NOP58: variants seen among roughly 807,000 people sequenced by gnomAD.
The protein encoded by NOP58 is NOP58 ribonucleoprotein.
NOP58 carries 44 observed loss-of-function variants against 71.2 expected under a neutral mutation model. That is an observed-to-expected ratio of 0.62 (90% CI 0.49 to 0.79). The LOEUF is 0.79. Ranked by LOEUF, NOP58 falls within the 30% of genes least tolerant of loss-of-function variation. The pLI is 0.00. For missense variants in NOP58, 538 were observed against 620.2 expected (o/e 0.87, Z 1.41); for synonymous variants, 228 against 200.3 (o/e 1.14, Z -1.17).
intron 9 of NOP58, among the ~76,000 whole-genome samples, chr2:202,294,504 A>T (rs1185610314): frequency 6.6e-6 from 1 of 152,114 alleles, no homozygotes; most frequent in African/African-American, 2.4e-5. Flanking sequence ...ATTTATGGAG[A>T]TGTATTCTAA....
At chr2:202,282,580 T>G (rs1688724418) in intron 4 of NOP58, 108 bp downstream of exon 4, 2 of 1,165,574 alleles carry the variant, frequency 1.7e-6, no homozygotes, top group East Asian at 4.9e-5. Context: ...CTCAATACAT[T>G]TTTTTCTTTT....
At chr2:202,284,241 C>G in intron 4 of NOP58, 104 bp from the exon 5 acceptor site, 1 of 962,082 alleles carries the variant, frequency 1.0e-6, no homozygotes. Flanking sequence ...CCACTGCACT[C>G]CAGCCTGGGC....
intron 6 of NOP58, 126 bp from the exon 7 acceptor site, chr2:202,290,197 G>A (rs1688862081): frequency 1.5e-6 from 1 of 660,258 alleles, no homozygotes; most frequent in Non-Finnish European, 2.5e-6. Flanking sequence ...TTCGTGATAT[G>A]CCTGTCTGCT....
chr2:202,278,261 C>A, intron 3 of NOP58: 1 of 577,892 alleles, frequency 1.7e-6, no homozygotes, highest in South Asian at 1.5e-5. Flanking sequence ...TTAAGTTGAT[C>A]TCCCTGTGGA....
intron 6 of NOP58, among the ~76,000 whole-genome samples, chr2:202,288,728 T>A (rs1218433926): frequency 6.6e-6 from 1 of 151,730 alleles, no homozygotes; most frequent in Non-Finnish European, 1.5e-5. Context: ...GGCAGGAGAA[T>A]CACTTGAACC....
intron 12 of NOP58, among the ~76,000 whole-genome samples, chr2:202,298,450 A>G (rs1689034762): frequency 6.6e-6 from 1 of 152,180 alleles, no homozygotes; most frequent in Non-Finnish European, 1.5e-5. Flanking sequence ...CAGGAGTTCA[A>G]CACAGGCCTG....
chr2:202,286,150 C>G (rs1242261200), intron 5 of NOP58, among the ~76,000 whole-genome samples: 1 of 138,530 alleles, frequency 7.2e-6, no homozygotes, highest in Non-Finnish European at 1.5e-5. Context: ...CCACTGCAGT[C>G]CAGCCTGGGT....
chr2:202,293,228 C>A, intron 9 of NOP58: 1 of 462,696 alleles, frequency 2.2e-6, no homozygotes. Flanking sequence ...AATAAAAACT[C>A]ACTAGACCTA....
At position 202,303,076 on chromosome 2, in the gene NOP58, A is replaced by T. The variant is rs376869515; in HGVS notation, c.1539+19A>T. 2.5e-6 allele frequency: 4 copies of T among 1,604,412 alleles called. No homozygotes were observed. In the Admixed American group the frequency reaches 6.9e-5, roughly 28 times the overall value. Reference sequence around the variant, plus strand: ...AATTGCTGTATGTTTGTTTTTAATTATCGGTTTTCACTTGGAGGGGCCAGT... The same window carrying T: ...AATTGCTGTATGTTTGTTTTTAATTTTCGGTTTTCACTTGGAGGGGCCAGT... On this transcript the variant is annotated intron_variant, in intron 14 of 14. Coordinates refer to ENST00000264279, the MANE Select transcript of NOP58 (RefSeq NM_015934.5).
Position 202,295,837 on chromosome 2 carries a change from G to T in NOP58, c.1071G>T (p.Lys357Asn). Reference protein sequence around the residue: ...VGQTSPKHKGKISRMLAAKTV... With the variant: ...VGQTSPKHKGNISRMLAAKTV... ...AGACAAGTCCCAAACACAAAGGAAA[G>T]GTGTGTTATAGGGTTTTGCTTTGTT... The change falls in exon 10 of 15, where the codon AAG (lysine) becomes AAT (asparagine). Residue 357 changes from lysine (K) to asparagine (N), a missense_variant and splice_region_variant. Coordinates refer to ENST00000264279, the MANE Select transcript of NOP58 (RefSeq NM_015934.5). The T allele has an allele frequency of 6.4e-7, 1 of 1,568,272 alleles. No homozygotes were observed. The highest frequency in any genetic ancestry group is 8.6e-7 in the Non-Finnish European group (1 of 1,161,564).
chr2:202,301,385 A>G (rs922132370), intron 13 of NOP58, among the ~76,000 whole-genome samples: 7 of 151,732 alleles, frequency 4.6e-5, no homozygotes, highest in Non-Finnish European at 1.0e-4. Context: ...GGGTTTCACC[A>G]TGTTGGCCAG....
chr2:202,271,540 C>T (rs1455343325), intron 1 of NOP58, among the ~76,000 whole-genome samples: 1 of 151,900 alleles, frequency 6.6e-6, no homozygotes, highest in African/African-American at 2.4e-5. Context: ...GCGGTCCAGC[C>T]TGGCCGACAG....
chr2:202,272,775 A>G (rs1021736434), intron 1 of NOP58, among the ~76,000 whole-genome samples: 3 of 152,174 alleles, frequency 2.0e-5, no homozygotes, highest in Non-Finnish European at 2.9e-5. Flanking sequence ...TAAAATTCAC[A>G]TTTTTTCTAG....
In NOP58 at chr2:202,292,929, A is replaced by G. The variant is rs1688928409; in HGVS notation, c.907+26A>G. Reference sequence around the variant, plus strand: ...GTGATGGTTTTAATGTAATTTGTAAATATGAGTGTTTGAAGTATTTTCTGG... The same window carrying G: ...GTGATGGTTTTAATGTAATTTGTAAGTATGAGTGTTTGAAGTATTTTCTGG... On this transcript the variant is annotated intron_variant, in intron 9 of 14. Coordinates refer to ENST00000264279, the MANE Select transcript of NOP58 (RefSeq NM_015934.5). 1 of 1,612,838 alleles carries G rather than the reference A, an allele frequency of 6.2e-7. No homozygotes were observed. Among genetic ancestry groups the G allele is most frequent in the African/African-American group, 1.3e-5 (1 of 75,036 alleles).
intron 8 of NOP58, 81 bp from the exon 9 acceptor site, chr2:202,292,696 A>T: frequency 9.2e-7 from 1 of 1,091,110 alleles, no homozygotes; most frequent in Non-Finnish European, 1.4e-6. Flanking sequence ...TTCATAATTG[A>T]GGGCTCCAGT....
chr2:202,295,511 T>G (rs1260485314), intron 9 of NOP58, among the ~76,000 whole-genome samples, 163 bp from the exon 10 acceptor site: 2 of 152,224 alleles, frequency 1.3e-5, no homozygotes, highest in Non-Finnish European at 2.9e-5. Context: ...GAATTACAAA[T>G]GAAACATCAA....
chr2:202,298,793 T>A (rs1169613260), intron 12 of NOP58, among the ~76,000 whole-genome samples: 1 of 152,156 alleles, frequency 6.6e-6, no homozygotes. Context: ...TGGGTTATTA[T>A]TTGAGGCAAT....
intron 3 of NOP58, chr2:202,278,265 C>T: frequency 1.7e-6 from 1 of 571,658 alleles, no homozygotes; most frequent in Non-Finnish European, 3.4e-6. Context: ...GTTGATCTCC[C>T]TGTGGAAACC....
At chr2:202,273,122 C>T (rs1430106297) in intron 1 of NOP58, among the ~76,000 whole-genome samples, 1 of 152,106 alleles carries the variant, frequency 6.6e-6, no homozygotes, top group Non-Finnish European at 1.5e-5. Context: ...GAGACTCCGT[C>T]TCAATAAATA....
Sources: gnomAD v4.1 joint callset for allele counts (sites outside exome capture counted in the v4.1 genomes callset) on GRCh38, gnomAD v4.1.1 for gene constraint, MANE v1.5 for transcripts, NCBI Gene and HGNC (gene_info 2026-07-23, HGNC 2026-07-21) for gene names.